CDH13: variants seen among roughly 807,000 people sequenced by gnomAD.
CDH13 encodes cadherin-13.
A neutral mutation model predicts 63.8 loss-of-function variants in CDH13; 24 were observed. The observed-to-expected ratio is 0.38, with a 90% CI of 0.27 to 0.53. The LOEUF is 0.53. Ranked by LOEUF, CDH13 falls within the 20% of genes least tolerant of loss-of-function variation. The pLI is 0.85. For missense variants in CDH13, 1,049 were observed against 903.1 expected, an observed-to-expected ratio of 1.16 and a Z score of -2.07; for synonymous variants, 503 against 355.3, an observed-to-expected ratio of 1.42 and a Z score of -4.67.
chr16:83,230,768 A>G (rs1431473115), intron 5 of CDH13, among the ~76,000 whole-genome samples: 1 of 152,228 alleles, frequency 6.6e-6, no homozygotes, highest in Non-Finnish European at 1.5e-5. Context: ...GTCTGGTGAC[A>G]GAGCGAGACT....
At chr16:83,434,994 T>C (rs1366843113) in intron 6 of CDH13, among the ~76,000 whole-genome samples, 3 of 111,020 alleles carry the variant, frequency 2.7e-5, no homozygotes, top group Admixed American at 2.6e-4. Context: ...AATATATATA[T>C]ATATGTATAT....
At chr16:83,222,188 A>T (rs2039719397) in intron 5 of CDH13, among the ~76,000 whole-genome samples, 1 of 152,210 alleles carries the variant, frequency 6.6e-6, no homozygotes, top group Non-Finnish European at 1.5e-5. Context: ...CCACCTTCTG[A>T]GTATTTGCTC....
At chr16:83,740,852 A>G (rs140144738) in intron 10 of CDH13, among the ~76,000 whole-genome samples, 2 of 152,310 alleles carry the variant, frequency 1.3e-5, no homozygotes, top group African/African-American at 2.4e-5. Context: ...TCTTGTCCAC[A>G]TCTGCTGGTT....
chr16:82,952,605 T>C (rs1905454856), intron 2 of CDH13, among the ~76,000 whole-genome samples: 1 of 152,226 alleles, frequency 6.6e-6, no homozygotes, highest in Non-Finnish European at 1.5e-5. Flanking sequence ...TGTTTACTTA[T>C]TACCTGCTAG....
intron 5 of CDH13, among the ~76,000 whole-genome samples, chr16:83,246,506 C>G (rs1567535744): frequency 6.6e-6 from 1 of 151,956 alleles, no homozygotes; most frequent in Non-Finnish European, 1.5e-5. Flanking sequence ...CATTCTTCCT[C>G]TTCTCTATAC....
chr16:82,816,516 G>C (rs1471244899), intron 1 of CDH13, among the ~76,000 whole-genome samples: 3 of 152,100 alleles, frequency 2.0e-5, no homozygotes, highest in African/African-American at 7.2e-5. Flanking sequence ...GGTGGAGAAG[G>C]CCTCACTGAG....
chr16:82,643,572 A>G (rs139198369), intron 1 of CDH13, among the ~76,000 whole-genome samples: 2 of 152,196 alleles, frequency 1.3e-5, no homozygotes, highest in Non-Finnish European at 2.9e-5. Context: ...ACTGCAGGTC[A>G]CCTTGGCCTA....
intron 3 of CDH13, among the ~76,000 whole-genome samples, chr16:83,062,359 C>G (rs905821105): frequency 3.9e-5 from 6 of 152,154 alleles, no homozygotes; most frequent in Non-Finnish European, 7.4e-5. Context: ...TTGTCCATCT[C>G]CAGTTCCTAT....
intron 3 of CDH13, among the ~76,000 whole-genome samples, chr16:83,102,642 C>T (rs1286631164): frequency 2.0e-5 from 3 of 152,058 alleles, no homozygotes; most frequent in Non-Finnish European, 4.4e-5. Flanking sequence ...ACCGCTCTGG[C>T]CACCCTGGGG....
At chr16:82,701,294 G>T (rs1020427853) in intron 1 of CDH13, among the ~76,000 whole-genome samples, 2 of 151,996 alleles carry the variant, frequency 1.3e-5, no homozygotes, top group African/African-American at 4.8e-5. Context: ...ATGGACCACG[G>T]GGTCCTTTTG....
chr16:82,860,159 G>T (rs956511202), intron 2 of CDH13, among the ~76,000 whole-genome samples: 2 of 151,840 alleles, frequency 1.3e-5, no homozygotes, highest in Non-Finnish European at 1.5e-5. Flanking sequence ...ATCCCAAATG[G>T]CATCTATGTT....
chr16:83,430,410 T>A (rs934073542), intron 6 of CDH13, among the ~76,000 whole-genome samples: 1 of 152,236 alleles, frequency 6.6e-6, no homozygotes, highest in African/African-American at 2.4e-5. Context: ...AAACCTGATT[T>A]CTTGGCAAAC....
At chr16:83,344,722 C>A in intron 5 of CDH13, 140 bp from the exon 6 acceptor site, 1 of 766,720 alleles carries the variant, frequency 1.3e-6, no homozygotes. Context: ...GTCCCAGTGA[C>A]TATCCTCTGA....
At position 83,073,352 on chromosome 16, in the gene CDH13, TGTGA is replaced by T. The variant is rs1216022894; in HGVS notation, c.366+41136_366+41139del. On this transcript the variant is annotated intron_variant, in intron 3 of 13. Coordinates refer to ENST00000567109, the MANE Select transcript of CDH13 (RefSeq NM_001257.5). ...GTGTGTGTGTGTGTGTGTGTGTGTG[TGTGA>T]GAGAGAGAGAGAGAGAGAGAGCTTT... 7.7e-3 allele frequency among the ~76,000 whole-genome samples: 963 copies of T among 125,188 alleles called. 4 individuals are homozygous for T. The highest frequency in any genetic ancestry group is 0.012 in the African/African-American group (370 of 30,810). 82.1% of individuals were successfully genotyped at this position (125,188 alleles called of 152,430 possible). A position where few individuals can be genotyped will look rare whatever the true frequency, so the allele number is the denominator to read the frequency against.
intron 1 of CDH13, among the ~76,000 whole-genome samples, chr16:82,835,535 C>T (rs561227245): frequency 2.8e-4 from 43 of 152,312 alleles, no homozygotes; most frequent in African/African-American, 9.6e-4. Flanking sequence ...TGATAAAATG[C>T]TCCTCTTTCT....
At position 83,767,518 on chromosome 16, in the gene CDH13, T is replaced by A. The variant is rs565318857; in HGVS notation, c.1682-12450T>A. ...CTTTCCTTTACAAATTAGCCAGTCT[T>A]GGGTATATCTTTATTAGCAGTATGA... On this transcript the variant is annotated intron_variant, in intron 11 of 13. Transcript: ENST00000567109. Among the ~76,000 whole-genome samples, 42 of 152,330 alleles carry A rather than the reference T, an allele frequency of 2.8e-4. 1 individual carries two copies. In the South Asian group the frequency reaches 8.7e-3, roughly 32 times the overall value.
intron 2 of CDH13, among the ~76,000 whole-genome samples, chr16:82,860,602 C>A (rs563393701): frequency 6.6e-6 from 1 of 151,016 alleles, no homozygotes; most frequent in African/African-American, 2.4e-5. Flanking sequence ...ATTTGATTAG[C>A]CCCTCTTGGT....
intron 2 of CDH13, among the ~76,000 whole-genome samples, chr16:82,901,470 G>A (rs958217071): frequency 5.9e-5 from 9 of 151,958 alleles, no homozygotes; most frequent in East Asian, 1.9e-4. Flanking sequence ...TGAGATAGCC[G>A]TGTAAAGCTA....
At chr16:83,266,486 A>T (rs1468957367) in intron 5 of CDH13, among the ~76,000 whole-genome samples, 1 of 152,192 alleles carries the variant, frequency 6.6e-6, no homozygotes, top group African/African-American at 2.4e-5. Context: ...ATCTGTGTCC[A>T]AGTCAGTGTG....
Sources: gnomAD v4.1 joint callset for allele counts (sites outside exome capture counted in the v4.1 genomes callset) on GRCh38, gnomAD v4.1.1 for gene constraint, MANE v1.5 for transcripts, NCBI Gene and HGNC (gene_info 2026-07-23, HGNC 2026-07-21) for gene names.